EPHA6: variants seen among roughly 807,000 people sequenced by gnomAD.
EPHA6 encodes ephrin type-A receptor 6.
EPHA6 carries 50 observed loss-of-function variants against 112.0 expected under a neutral mutation model. That is an observed-to-expected ratio of 0.45 (90% CI 0.36 to 0.56). EPHA6 has a LOEUF of 0.56. Among genes scored for constraint, EPHA6 ranks in the 20% least tolerant of loss-of-function variants. The pLI, the probability that EPHA6 is intolerant of heterozygous loss-of-function variation, is 0.00. For synonymous variants in EPHA6, 529 were observed against 490.7 expected, an observed-to-expected ratio of 1.08 and a Z score of -1.03; for missense variants, 1,280 against 1,417.4, an observed-to-expected ratio of 0.90 and a Z score of 1.56.
chr3:97,114,686 C>CT (rs2047828287), intron 3 of EPHA6, among the ~76,000 whole-genome samples: 1 of 151,976 alleles, frequency 6.6e-6, no homozygotes, highest in Non-Finnish European at 1.5e-5. Flanking sequence ...TCATTAAGGT[C>CT]ATATTAAAAG....
intron 3 of EPHA6, among the ~76,000 whole-genome samples, chr3:96,988,467 C>T (rs1279523098): frequency 2.6e-5 from 4 of 152,086 alleles, no homozygotes; most frequent in African/African-American, 4.8e-5. Flanking sequence ...CTGGTGTTCA[C>T]ATTTTTACAG....
intron 3 of EPHA6, among the ~76,000 whole-genome samples, chr3:97,222,946 C>G (rs1009765411): frequency 1.3e-5 from 2 of 152,066 alleles, no homozygotes; most frequent in Admixed American, 6.5e-5. Context: ...TAAAGAAGTG[C>G]GAGCTGAAAG....
chr3:97,665,334 G>A (rs939515013), intron 14 of EPHA6, among the ~76,000 whole-genome samples: 13 of 152,168 alleles, frequency 8.5e-5, no homozygotes, highest in African/African-American at 2.4e-4. Context: ...ATGGATTAAA[G>A]ACTTAAATGT....
intron 15 of EPHA6, among the ~76,000 whole-genome samples, chr3:97,725,713 A>T (rs1218208668): frequency 6.6e-6 from 1 of 152,116 alleles, no homozygotes; most frequent in Non-Finnish European, 1.5e-5. Flanking sequence ...TTTGCAGCAC[A>T]TTTAGCAGCA....
At chr3:97,706,921 A>C (rs187420691) in intron 14 of EPHA6, among the ~76,000 whole-genome samples, 1 of 152,208 alleles carries the variant, frequency 6.6e-6, no homozygotes, top group Admixed American at 6.5e-5. Flanking sequence ...CCTGAGGACA[A>C]GAAGCATGTC....
intron 2 of EPHA6, among the ~76,000 whole-genome samples, chr3:96,908,739 G>T (rs1016314516): frequency 8.6e-5 from 13 of 151,934 alleles, no homozygotes; most frequent in African/African-American, 3.1e-4. Flanking sequence ...GTAGGTATTT[G>T]CATTCCTCTT....
chr3:97,621,353 A>G (rs991242988), intron 13 of EPHA6, among the ~76,000 whole-genome samples: 21 of 151,948 alleles, frequency 1.4e-4, no homozygotes, highest in Admixed American at 1.3e-3. Context: ...TAATCTGTAC[A>G]ACAAGCCCCC....
At chr3:96,899,052 AC>A (rs201884436) in intron 2 of EPHA6, among the ~76,000 whole-genome samples, 9,176 of 148,390 alleles carry the variant, frequency 0.062, 574 homozygotes, top group Admixed American at 0.2. Flanking sequence ...AAACAAACAA[AC>A]AAAAAAAAAA....
intron 5 of EPHA6, among the ~76,000 whole-genome samples, chr3:97,367,779 T>C (rs1194580543): frequency 6.6e-6 from 1 of 152,048 alleles, no homozygotes; most frequent in Non-Finnish European, 1.5e-5. Context: ...TATTACCAGG[T>C]TAATACAACT....
intron 5 of EPHA6, among the ~76,000 whole-genome samples, chr3:97,343,921 G>A (rs989891363): frequency 1.3e-5 from 2 of 152,138 alleles, no homozygotes; most frequent in Non-Finnish European, 2.9e-5. Context: ...TTGTTCTTGA[G>A]CCTTAAAGTC....
chr3:97,172,247 C>A (rs1047395399), intron 3 of EPHA6, among the ~76,000 whole-genome samples: 1 of 151,888 alleles, frequency 6.6e-6, no homozygotes, highest in Non-Finnish European at 1.5e-5. Context: ...TTATATCTTA[C>A]CTATTTTCTG....
intron 5 of EPHA6, among the ~76,000 whole-genome samples, chr3:97,287,691 A>T (rs551355942): frequency 6.6e-6 from 1 of 152,250 alleles, no homozygotes; most frequent in Non-Finnish European, 1.5e-5. Context: ...CCTTCATTCT[A>T]CTGATGTTAT....
At chr3:97,554,419 AT>A (rs573569164) in intron 11 of EPHA6, among the ~76,000 whole-genome samples, 2 of 151,958 alleles carry the variant, frequency 1.3e-5, no homozygotes, top group African/African-American at 2.4e-5. Context: ...GTTAGTTGCA[AT>A]TTTTTTTAAT....
At chr3:97,653,853 C>T (rs301954) in intron 14 of EPHA6, among the ~76,000 whole-genome samples, 92,484 of 151,692 alleles carry the variant, frequency 0.61, 28,284 homozygotes, top group East Asian at 0.69. Flanking sequence ...CATAGATGAA[C>T]GTAGAGGACA....
At chr3:96,956,455 C>T (rs1449870037) in intron 2 of EPHA6, among the ~76,000 whole-genome samples, 4 of 152,086 alleles carry the variant, frequency 2.6e-5, no homozygotes, top group Non-Finnish European at 5.9e-5. Flanking sequence ...GGTTTTTGAG[C>T]TTTTGTGTGG....
intron 5 of EPHA6, among the ~76,000 whole-genome samples, chr3:97,293,842 C>T (rs1251698325): frequency 1.3e-5 from 2 of 152,190 alleles, no homozygotes; most frequent in Admixed American, 1.3e-4. Flanking sequence ...GCTGTCCATG[C>T]CGAGGAGTGC....
intron 5 of EPHA6, among the ~76,000 whole-genome samples, chr3:97,368,986 A>C (rs2084897151): frequency 6.6e-6 from 1 of 152,186 alleles, no homozygotes; most frequent in Admixed American, 6.5e-5. Context: ...AAAAGATCTG[A>C]TATCTAAGTT....
intron 10 of EPHA6, among the ~76,000 whole-genome samples, chr3:97,502,807 C>A (rs1364477117): frequency 9.6e-6 from 1 of 103,802 alleles, no homozygotes; most frequent in African/African-American, 3.8e-5. Context: ...ACGCTCCAGG[C>A]TGGTAAAAGA....
At chr3:97,544,242 T>G (rs934885447) in intron 11 of EPHA6, among the ~76,000 whole-genome samples, 2 of 152,132 alleles carry the variant, frequency 1.3e-5, no homozygotes, top group Non-Finnish European at 2.9e-5. Context: ...CATAGATAGC[T>G]CTTATTATTT....
Sources: allele counts gnomAD v4.1 joint callset (sites outside exome capture counted in the v4.1 genomes callset), GRCh38; gene constraint gnomAD v4.1.1; transcripts MANE v1.5; gene names NCBI Gene and HGNC (gene_info 2026-07-23, HGNC 2026-07-21).